KCNE3: variants seen among roughly 807,000 people sequenced by gnomAD.
The protein encoded by KCNE3 is potassium voltage-gated channel subfamily E member 3.
A neutral mutation model predicts 4.3 loss-of-function variants in KCNE3; 2 were observed. The ratio of observed to expected loss-of-function variants is 0.47; its 90% CI spans 0.19 to 1.48. The LOEUF (loss-of-function observed/expected upper bound fraction) is 1.48, where lower values mean the gene tolerates loss of function less well. KCNE3 is among the 40% of genes most tolerant of loss of function. The probability of loss-of-function intolerance (pLI) is 0.25; values close to 1 mark genes in which losing one functional copy is unlikely to be tolerated. For synonymous variants in KCNE3, 47 were observed against 52.0 expected, an observed-to-expected ratio of 0.90 and a Z score of 0.41; for missense variants, 128 against 136.8, an observed-to-expected ratio of 0.94 and a Z score of 0.32.
chr11:74,457,010 G>C lies in KCNE3; in HGVS notation c.*242C>G. 1.8e-6 allele frequency: 1 copy of C among 563,980 alleles called. No homozygotes were observed. Among genetic ancestry groups the C allele is most frequent in the South Asian group, 2.1e-5 (1 of 47,724 alleles). The allele number at this position is 563,980 out of a possible 1,614,324, so 34.9% of individuals were successfully genotyped here. ...TCATTATCTGTTGCTACTTTTATAT[G>C]TTTGTTCATGGGCTCCCACTGTTTA... On this transcript the variant is annotated 3_prime_UTR_variant, in exon 3 of 3. Coordinates refer to ENST00000310128, the MANE Select transcript of KCNE3 (RefSeq NM_005472.5).
chr11:74,463,183 A>G (rs1185541473), intron 1 of KCNE3, among the ~76,000 whole-genome samples: 1 of 152,034 alleles, frequency 6.6e-6, no homozygotes, highest in Non-Finnish European at 1.5e-5. Flanking sequence ...GGAAGGGGAC[A>G]GTGTGGAGGG....
intron 2 of KCNE3, among the ~76,000 whole-genome samples, chr11:74,459,311 C>A (rs111693929): frequency 7.5e-6 from 1 of 133,040 alleles, no homozygotes; most frequent in Non-Finnish European, 1.5e-5. Context: ...GCCCAGGCTG[C>A]AGTGCAGTGG....
At position 74,457,582 on chromosome 11, in the gene KCNE3, G is replaced by C. The variant is rs1420820471; in HGVS notation, c.-19C>G. On this transcript the variant is annotated 5_prime_UTR_variant, in exon 3 of 3. Transcript: ENST00000310128. Reference sequence around the variant, plus strand: ...TCTCCATAGCAACAGGGATTGAGGTGGGGGAAGACTCGGTAGAAGCTCTGG... The same window carrying C: ...TCTCCATAGCAACAGGGATTGAGGTCGGGGAAGACTCGGTAGAAGCTCTGG... 1.2e-6 allele frequency: 2 copies of C among 1,612,050 alleles called. No homozygotes were observed. The highest frequency in any genetic ancestry group is 2.2e-5 in the East Asian group (1 of 44,862).
rs35194568 is a variant in KCNE3, at chr11:74,459,259, ATTT to A, written c.-40-1659_-40-1657del. Reference sequence around the variant, plus strand: ...ATCCTTAGTCTATAATATAGAAAACATTTTTTTTTTTTTTTTTTTTGAGACGGA... The same window carrying A: ...ATCCTTAGTCTATAATATAGAAAACATTTTTTTTTTTTTTTTTGAGACGGA... On this transcript the variant is annotated intron_variant, in intron 2 of 2. Coordinates refer to ENST00000310128, the MANE Select transcript of KCNE3 (RefSeq NM_005472.5). Among the ~76,000 whole-genome samples the A allele has an allele frequency of 8.6e-3, 1,013 of 117,534 alleles. 7 individuals are homozygous for A. The highest frequency in any genetic ancestry group is 0.029 in the African/African-American group (915 of 31,270). 77.1% of individuals were successfully genotyped at this position (117,534 alleles called of 152,430 possible). A position where few individuals can be genotyped will look rare whatever the true frequency, so the allele number is the denominator to read the frequency against.
chr11:74,460,962 G>A lies in KCNE3; in HGVS notation c.-41+993C>T, dbSNP rs1591227450. On this transcript the variant is annotated intron_variant, in intron 2 of 2. Transcript: ENST00000310128. ...AGAGGATAACAAAGTAGGGAAGTGGGGGTAGAGACAGTCGTAAGACCTGAG... is the reference window on the plus strand; with the variant it reads ...AGAGGATAACAAAGTAGGGAAGTGGAGGTAGAGACAGTCGTAAGACCTGAG... Among the ~76,000 whole-genome samples the A allele has an allele frequency of 2.0e-5, 3 of 152,128 alleles. No individual in the cohort carries two copies. The South Asian group carries it at 6.2e-4, about 32-fold the overall frequency.
chr11:74,455,291 T>A lies in KCNE3; in HGVS notation c.*1961A>T, dbSNP rs1863784853. On this transcript the variant is annotated 3_prime_UTR_variant, in exon 3 of 3. Transcript: ENST00000310128. Reference sequence around the variant, plus strand: ...AAATACGCATGTTTCAATGGGTACTTCCAGGGACCGCATGGAGATCCCTTA... The same window carrying A: ...AAATACGCATGTTTCAATGGGTACTACCAGGGACCGCATGGAGATCCCTTA... The A allele has an allele frequency of 6.6e-6, 1 of 152,188 alleles. No individual in the cohort carries two copies. Among genetic ancestry groups the A allele is most frequent in the Non-Finnish European group, 1.5e-5 (1 of 68,038 alleles). The allele number at this position is 152,188 out of a possible 1,614,324, so 9.4% of individuals were successfully genotyped here.
rs1863967701 is a variant in KCNE3 at position 74,462,096 on chromosome 11, G to A, written c.-182C>T. Reference sequence around the variant, plus strand: ...CAGTATTGACTTCGGAGCTGGGAAAGCCCAGAGCTAGAAAGCAGGAGAGAA... The same window carrying A: ...CAGTATTGACTTCGGAGCTGGGAAAACCCAGAGCTAGAAAGCAGGAGAGAA... On this transcript the variant is annotated 5_prime_UTR_variant, in exon 2 of 3. Transcript: ENST00000310128. 1.3e-5 allele frequency: 2 copies of A among 152,646 alleles called. No individual in the cohort carries two copies. The highest frequency in any genetic ancestry group is 4.8e-5 in the African/African-American group (2 of 41,460). The allele number at this position is 152,646 out of a possible 1,614,324, so 9.5% of individuals were successfully genotyped here. A position where few individuals can be genotyped will look rare whatever the true frequency, so the allele number is the denominator to read the frequency against.
intron 2 of KCNE3, 93 bp downstream of exon 2, chr11:74,461,862 C>A (rs1022165863): frequency 6.6e-6 from 1 of 151,066 alleles, no homozygotes; most frequent in Non-Finnish European, 1.5e-5. Context: ...CATCCCAGGG[C>A]AGGGCAGTTA....
rs72550287 is a variant in KCNE3 at position 74,455,278 on chromosome 11, T to G, written c.*1974A>C. 2 of 152,194 alleles carry G rather than the reference T, an allele frequency of 1.3e-5. No individual in the cohort carries two copies. The highest frequency in any genetic ancestry group is 2.9e-5 in the Non-Finnish European group (2 of 68,036). The allele number at this position is 152,194 out of a possible 1,614,324, so 9.4% of individuals were successfully genotyped here. The stretch of plus-strand genomic sequence containing the variant: ...TTCTGCTATACACAAATACGCATGT[T>G]TCAATGGGTACTTCCAGGGACCGCA... On this transcript the variant is annotated 3_prime_UTR_variant, in exon 3 of 3. Transcript: ENST00000310128.
chr11:74,464,260 A>G (rs950273298), intron 1 of KCNE3: 2 of 152,028 alleles, frequency 1.3e-5, no homozygotes, highest in African/African-American at 2.4e-5. Flanking sequence ...GTGAAACTCT[A>G]CCCTTGGGTC....
At chr11:74,462,476 A>G (rs1034850851) in intron 1 of KCNE3, 22 of 152,312 alleles carry the variant, frequency 1.4e-4, no homozygotes, top group African/African-American at 5.1e-4. Context: ...TCCTTTTCGA[A>G]TCCCAAGGGA....
chr11:74,467,011 T>C lies in KCNE3; in HGVS notation c.-190+387A>G, dbSNP rs1864071487. Among the ~76,000 whole-genome samples the C allele has an allele frequency of 1.3e-5, 2 of 152,204 alleles. No homozygotes were observed. The highest frequency in any genetic ancestry group is 1.3e-4 in the Admixed American group (2 of 15,278). On this transcript the variant is annotated intron_variant, in intron 1 of 2. Coordinates refer to ENST00000310128, the MANE Select transcript of KCNE3 (RefSeq NM_005472.5). This position sits in a 1 kb window ranked among gnomAD's most constrained non-coding sequence, Gnocchi z 4.4. ...GCCGGTGGCTCCAGCCAAATGAGAC[T>C]GTGCTGGGTCCTGAAATGTCGTTTC...
intron 2 of KCNE3, among the ~76,000 whole-genome samples, chr11:74,460,218 T>C (rs1007903038): frequency 2.6e-5 from 4 of 152,122 alleles, no homozygotes; most frequent in Admixed American, 1.3e-4. Flanking sequence ...GCTCACTGAG[T>C]TAAGATCCAG....
At position 74,455,223 on chromosome 11, in the gene KCNE3, G is replaced by T. The variant is rs1863782766; in HGVS notation, c.*2029C>A. 1 of 152,120 alleles carries T rather than the reference G, an allele frequency of 6.6e-6. No homozygotes were observed. 9.4% of individuals were successfully genotyped at this position (152,120 alleles called of 1,614,324 possible). ...ATCACCTATAACCCAATTCCTCAGAGATAACTGCTGTCAGAATATTATTTC... is the reference window on the plus strand; with the variant it reads ...ATCACCTATAACCCAATTCCTCAGATATAACTGCTGTCAGAATATTATTTC... On this transcript the variant is annotated 3_prime_UTR_variant, in exon 3 of 3. Coordinates refer to ENST00000310128, the MANE Select transcript of KCNE3 (RefSeq NM_005472.5).
chr11:74,459,932 T>C (rs1430582801), intron 2 of KCNE3, among the ~76,000 whole-genome samples: 1 of 152,316 alleles, frequency 6.6e-6, no homozygotes, highest in East Asian at 1.9e-4. Context: ...CTCAATAGTT[T>C]CTAGTAGAGA....
At chr11:74,466,074 T>C (rs1864051603) in intron 1 of KCNE3, among the ~76,000 whole-genome samples, 1 of 152,146 alleles carries the variant, frequency 6.6e-6, no homozygotes, top group Non-Finnish European at 1.5e-5. Flanking sequence ...AGGGGTACCA[T>C]TCTGTAGTCC....
chr11:74,464,100 G>A (rs778922239), intron 1 of KCNE3, among the ~76,000 whole-genome samples: 2 of 152,176 alleles, frequency 1.3e-5, no homozygotes, highest in African/African-American at 4.8e-5. Context: ...CTCTGTTCCT[G>A]CTATTTCCCA....
At chr11:74,460,241 CTCAT>C in intron 2 of KCNE3, among the ~76,000 whole-genome samples, 1 of 152,212 alleles carries the variant, frequency 6.6e-6, no homozygotes, top group East Asian at 1.9e-4. Context: ...GATACACGTT[CTCAT>C]CTACTACCCC....
chr11:74,459,843 G>C (rs1486889874), intron 2 of KCNE3, among the ~76,000 whole-genome samples: 2 of 152,138 alleles, frequency 1.3e-5, no homozygotes, highest in Non-Finnish European at 2.9e-5. Flanking sequence ...CTGAGACTGG[G>C]TGTTCTCCTT....
Sources: allele counts gnomAD v4.1 joint callset (sites outside exome capture counted in the v4.1 genomes callset), GRCh38; gene constraint gnomAD v4.1.1; non-coding constraint Gnocchi (gnomAD v3.1); transcripts MANE v1.5; gene names NCBI Gene and HGNC (gene_info 2026-07-23, HGNC 2026-07-21).